Variants in RASEF observed in about 807,000 individuals in gnomAD.
RASEF encodes the protein ras and EF-hand domain-containing protein.
Under a neutral mutation model 90.1 loss-of-function variants are expected in RASEF, and 68 were observed. That is an observed-to-expected ratio of 0.75 (90% confidence interval 0.62 to 0.92). RASEF has a LOEUF of 0.92. RASEF is among the 40% of genes least tolerant of loss of function. The pLI is 0.00. For synonymous variants in RASEF, 331 were observed against 345.2 expected, an observed-to-expected ratio of 0.96 and a Z score of 0.46; for missense variants, 949 against 937.2, an observed-to-expected ratio of 1.01 and a Z score of -0.16.
At chr9:83,044,281 A>G (rs989441482) in intron 1 of RASEF, among the ~76,000 whole-genome samples, 3 of 152,324 alleles carry the variant, frequency 2.0e-5, no homozygotes, top group Non-Finnish European at 1.5e-5. Context: ...TTTGCCCAGG[A>G]AAGTCCAGCA....
chr9:83,004,692 C>G, intron 8 of RASEF, 106 bp from the exon 9 acceptor site: 1 of 669,668 alleles, frequency 1.5e-6, no homozygotes. Flanking sequence ...TAGCACACTA[C>G]TCAAACTTCT....
chr9:83,116,547 G>A, the RASEF span, among the ~76,000 whole-genome samples: 3,824 of 152,244 alleles, frequency 0.025, 60 homozygotes, highest in Non-Finnish European at 0.038. Flanking sequence ...TATAATCAAA[G>A]TAGGCTGTAA....
At chr9:83,083,963 T>C in the RASEF span, among the ~76,000 whole-genome samples, 36 of 152,302 alleles carry the variant, frequency 2.4e-4, no homozygotes, top group Middle Eastern at 3.4e-3. Flanking sequence ...TTTTACTAAC[T>C]AGAATTCAAA....
chr9:83,109,009 A>G, the RASEF span, among the ~76,000 whole-genome samples: 1 of 152,258 alleles, frequency 6.6e-6, no homozygotes, highest in Non-Finnish European at 1.5e-5. Context: ...TGAAAAAACC[A>G]TAAGGCAATA....
At chr9:83,049,529 C>CTTTTTTTTTTTTT (rs10687615) in intron 1 of RASEF, among the ~76,000 whole-genome samples, 77 of 99,054 alleles carry the variant, frequency 7.8e-4, no homozygotes, top group African/African-American at 1.1e-3. Flanking sequence ...TTCTGCCTTC[C>CTTTTTTTTTTTTT]TTTTTTTTTT....
the RASEF span, among the ~76,000 whole-genome samples, chr9:83,158,273 C>G: frequency 6.6e-6 from 1 of 151,952 alleles, no homozygotes; most frequent in South Asian, 2.1e-4. Flanking sequence ...ATTGAAACAT[C>G]TGGCATTATT....
the RASEF span, among the ~76,000 whole-genome samples, chr9:83,186,983 C>T: frequency 6.6e-6 from 1 of 152,074 alleles, no homozygotes; most frequent in Non-Finnish European, 1.5e-5. Flanking sequence ...CTCGCCTGCT[C>T]CATCTGGCCT....
the RASEF span, among the ~76,000 whole-genome samples, chr9:83,148,363 C>G: frequency 1.3e-5 from 2 of 152,110 alleles, no homozygotes; most frequent in Non-Finnish European, 2.9e-5. Flanking sequence ...AGGGTGAGCC[C>G]TCAATCCAAT....
At chr9:83,136,765 C>T in the RASEF span, among the ~76,000 whole-genome samples, 1 of 152,042 alleles carries the variant, frequency 6.6e-6, no homozygotes, top group Non-Finnish European at 1.5e-5. Context: ...GTATGAAATA[C>T]AAGAAAATGT....
chr9:83,185,823 C>T, the RASEF span, among the ~76,000 whole-genome samples: 1 of 152,084 alleles, frequency 6.6e-6, no homozygotes, highest in Non-Finnish European at 1.5e-5. Context: ...CTCAACCACT[C>T]CTCCATAAGC....
At chr9:83,046,483 A>G (rs1031078378) in intron 1 of RASEF, among the ~76,000 whole-genome samples, 3 of 152,190 alleles carry the variant, frequency 2.0e-5, no homozygotes, top group African/African-American at 7.2e-5. Flanking sequence ...TAATTCATTC[A>G]TTAGCATCCC....
Position 83,037,570 on chromosome 9 carries a change from T to C in RASEF, c.432-11649A>G, listed in dbSNP as rs180877602. Among the ~76,000 whole-genome samples the C allele has an allele frequency of 3.3e-4, 51 of 152,262 alleles. No individual in the cohort carries two copies. The East Asian group carries it at 9.5e-3, about 28-fold the overall frequency. On this transcript the variant is annotated intron_variant, in intron 1 of 16. Coordinates refer to ENST00000376447, the MANE Select transcript of RASEF (RefSeq NM_152573.4). ...CATATAACTGAATCCAAATACACTT[T>C]AATATTCTGTAGACTGAAATGTTGT...
At chr9:83,199,574 T>C in the RASEF span, among the ~76,000 whole-genome samples, 3 of 152,188 alleles carry the variant, frequency 2.0e-5, no homozygotes, top group Admixed American at 6.5e-5. Flanking sequence ...CTAAATCCTC[T>C]TACGCAGTTT....
the RASEF span, among the ~76,000 whole-genome samples, chr9:83,086,244 GAT>G: frequency 6.6e-6 from 1 of 152,076 alleles, no homozygotes; most frequent in Non-Finnish European, 1.5e-5. Context: ...CCAAGAATAA[GAT>G]AACAAGAAGA....
chr9:83,062,067 G>T (rs761037069), intron 1 of RASEF, among the ~76,000 whole-genome samples: 2 of 152,214 alleles, frequency 1.3e-5, no homozygotes, highest in African/African-American at 2.4e-5. Flanking sequence ...CCCCAGCCCT[G>T]GGGTGAGAGC....
intron 9 of RASEF, among the ~76,000 whole-genome samples, chr9:83,001,933 G>T (rs1477603301): frequency 1.3e-5 from 2 of 152,180 alleles, no homozygotes; most frequent in Non-Finnish European, 1.5e-5. Flanking sequence ...GATAAAGGCT[G>T]GAACTCCTGA....
intron 1 of RASEF, among the ~76,000 whole-genome samples, chr9:83,030,608 A>C (rs1301712913): frequency 6.6e-6 from 1 of 152,240 alleles, no homozygotes; most frequent in Non-Finnish European, 1.5e-5. Context: ...TGCCACTAAC[A>C]GAAAATATGT....
chr9:83,191,045 A>G, the RASEF span, among the ~76,000 whole-genome samples: 1 of 152,184 alleles, frequency 6.6e-6, no homozygotes, highest in African/African-American at 2.4e-5. Flanking sequence ...AGACATTCTT[A>G]CAAAGGAATT....
chr9:83,012,982 T>C (rs1457847076), intron 4 of RASEF, among the ~76,000 whole-genome samples: 1 of 152,248 alleles, frequency 6.6e-6, no homozygotes, highest in African/African-American at 2.4e-5. Context: ...ATGGTGAGTT[T>C]AAGAAATGCT....
Sources: gnomAD v4.1 joint callset for allele counts (sites outside exome capture counted in the v4.1 genomes callset) on GRCh38, gnomAD v4.1.1 for gene constraint, MANE v1.5 for transcripts, NCBI Gene and HGNC (gene_info 2026-07-23, HGNC 2026-07-21) for gene names.